Variants in HMCN1 observed in about 807,000 individuals in gnomAD.
HMCN1 encodes the protein hemicentin-1.
A neutral mutation model predicts 625.9 loss-of-function variants in HMCN1; 321 were observed. That is an observed-to-expected ratio of 0.51 (90% confidence interval 0.47 to 0.56). The LOEUF is 0.56. HMCN1 is among the 20% of genes least tolerant of loss of function. The pLI, the probability that HMCN1 is intolerant of heterozygous loss-of-function variation, is 0.00. For missense variants in HMCN1, 6,588 were observed against 6,887.3 expected (o/e 0.96, Z 1.54); for synonymous variants, 2,425 against 2,417.6 (o/e 1.00, Z -0.09).
chr1:186,025,774 T>C (rs1314715045), intron 36 of HMCN1, among the ~76,000 whole-genome samples: 1 of 152,206 alleles, frequency 6.6e-6, no homozygotes, highest in Non-Finnish European at 1.5e-5. Context: ...TATGGGTTAA[T>C]GTGAAATGAA....
chr1:186,105,301 G>C (rs1402664390), intron 69 of HMCN1, among the ~76,000 whole-genome samples: 2 of 151,938 alleles, frequency 1.3e-5, no homozygotes, highest in Non-Finnish European at 2.9e-5. Context: ...ACTGATTTTG[G>C]TTACTCTGCT....
intron 1 of HMCN1, among the ~76,000 whole-genome samples, chr1:185,748,219 T>C (rs574987036): frequency 6.6e-6 from 1 of 152,224 alleles, no homozygotes; most frequent in African/African-American, 2.4e-5. Context: ...AGCCTTTTAC[T>C]AGAGCACACA....
At position 186,001,672 on chromosome 1, in the gene HMCN1, G is replaced by C; in HGVS notation, c.4279G>C (p.Gly1427Arg). 1 of 1,612,690 alleles carries C rather than the reference G, an allele frequency of 6.2e-7. No individual in the cohort carries two copies. The highest frequency in any genetic ancestry group is 8.5e-7 in the Non-Finnish European group (1 of 1,178,950). ...CTTCAGAGCCACTCCAGAGGATGCAGGAAGATATTCCTGCAAAGCAATTAA... is the reference window on the plus strand; with the variant it reads ...CTTCAGAGCCACTCCAGAGGATGCACGAAGATATTCCTGCAAAGCAATTAA... ...KLFRATPEDA[G>R]RYSCKAINIA... Residue 1427 changes from glycine to arginine, a missense_variant, in exon 28 of 107, where the codon GGA becomes CGA. Gly to Arg is a moderately radical substitution (Grantham distance 125). This residue lies in a region of HMCN1 where 4,628 missense variants were observed against 4,853.1 expected (regional missense o/e 0.95). Transcript: ENST00000271588.
rs1558187178 is a variant in HMCN1 at position 186,062,505 on chromosome 1, G to T, written c.7427-9G>T. The T allele has an allele frequency of 5.7e-6, 9 of 1,565,646 alleles. No homozygotes were observed. Among genetic ancestry groups the T allele is most frequent in the East Asian group, 2.2e-5 (1 of 44,488 alleles). On this transcript the variant is annotated splice_polypyrimidine_tract_variant and intron_variant, in intron 47 of 106. Coordinates refer to ENST00000271588, the MANE Select transcript of HMCN1 (RefSeq NM_031935.3). ...GAGCTGTTATTTTGTTGTTGTTGTT[G>T]TTTTTTAGTACCACCTCATATTGTG...
At chr1:185,736,358 T>G (rs1653576199) in intron 1 of HMCN1, among the ~76,000 whole-genome samples, 1 of 152,158 alleles carries the variant, frequency 6.6e-6, no homozygotes, top group South Asian at 2.1e-4. Flanking sequence ...GAATAAAGAA[T>G]TGAATGATTA....
At chr1:186,175,474 G>A (rs1303752901) in intron 103 of HMCN1, among the ~76,000 whole-genome samples, 1 of 152,112 alleles carries the variant, frequency 6.6e-6, no homozygotes, top group East Asian at 1.9e-4. Flanking sequence ...TGTACCAAAT[G>A]TTCAAACTAA....
At chr1:185,894,170 A>G (rs1342173886) in intron 4 of HMCN1, among the ~76,000 whole-genome samples, 1 of 150,072 alleles carries the variant, frequency 6.7e-6, no homozygotes, top group Admixed American at 6.6e-5. Context: ...AAAACAAAAC[A>G]AAAAAACAGA....
chr1:185,734,514 G>C lies in HMCN1; in HGVS notation c.-266G>C. On this transcript the variant is annotated 5_prime_UTR_variant, in exon 1 of 107. Coordinates refer to ENST00000271588, the MANE Select transcript of HMCN1 (RefSeq NM_031935.3). ...ACGCGCCGCCCGCACTCCGCCACAG[G>C]CTGTCCAGGGCCCGCGGGCAGATAG... The C allele has an allele frequency of 2.2e-6, 1 of 454,508 alleles. No homozygotes were observed. Among genetic ancestry groups the C allele is most frequent in the Non-Finnish European group, 4.0e-6 (1 of 252,114 alleles). 28.2% of individuals were successfully genotyped at this position (454,508 alleles called of 1,614,324 possible).
chr1:185,947,975 A>G (rs1292728115), intron 11 of HMCN1, among the ~76,000 whole-genome samples: 1 of 152,240 alleles, frequency 6.6e-6, no homozygotes, highest in Non-Finnish European at 1.5e-5. Context: ...TTTGAAAACA[A>G]TGTCAATGTT....
chr1:185,854,439 G>C (rs868664549), intron 2 of HMCN1, among the ~76,000 whole-genome samples: 3 of 152,254 alleles, frequency 2.0e-5, no homozygotes, highest in African/African-American at 7.2e-5. Flanking sequence ...TTAAAGATTT[G>C]ATAGCACTGG....
intron 92 of HMCN1, 55 bp from the exon 93 acceptor site, chr1:186,145,698 T>A (rs1571416208): frequency 1.2e-6 from 2 of 1,610,030 alleles, no homozygotes; most frequent in Non-Finnish European, 8.5e-7. Flanking sequence ...AAGTATAGAT[T>A]ATGAAGATTT....
In HMCN1 at chr1:185,757,337, C is replaced by T. The variant is rs568330381; in HGVS notation, c.268+22290C>T. On this transcript the variant is annotated intron_variant, in intron 1 of 106. Transcript: ENST00000271588. ...GAGGGCCTGTGTGATCTGGCCCGAT[C>T]GCCTCTCTCTGCCCTCTCCTTCTAT... 1.2e-4 allele frequency among the ~76,000 whole-genome samples: 18 copies of T among 152,258 alleles called. No homozygotes were observed. The South Asian group carries it at 2.9e-3, about 25-fold the overall frequency.
intron 15 of HMCN1, among the ~76,000 whole-genome samples, chr1:185,971,577 A>C (rs1156391763): frequency 6.6e-6 from 1 of 152,204 alleles, no homozygotes; most frequent in Non-Finnish European, 1.5e-5. Flanking sequence ...TATTCATGCC[A>C]GACTGTTTTT....
At chr1:185,764,026 G>C (rs570974339) in intron 1 of HMCN1, among the ~76,000 whole-genome samples, 1 of 152,246 alleles carries the variant, frequency 6.6e-6, no homozygotes, top group East Asian at 1.9e-4. Context: ...TAAAGATATA[G>C]GTCCTCATTC....
At chr1:185,741,409 T>C (rs1311193721) in intron 1 of HMCN1, among the ~76,000 whole-genome samples, 1 of 152,122 alleles carries the variant, frequency 6.6e-6, no homozygotes, top group Non-Finnish European at 1.5e-5. Context: ...GATACTCAAG[T>C]AGAGATAAGA....
chr1:186,103,577 T>G lies in HMCN1; in HGVS notation c.10679T>G (p.Met3560Arg), dbSNP rs1410323598. ...CIASGIPAPK[M>R]TWMKDGRPLP... ...GCTTCTGGAATCCCAGCCCCTAAAA[T>G]GACCTGGATGAAAGATGGCCGGCCC... Residue 3560 changes from methionine (M) to arginine (R), a missense_variant, in exon 69 of 107, where the codon ATG (methionine) becomes AGG (arginine). Met to Arg is a moderately conservative substitution (Grantham distance 91). Transcript: ENST00000271588. 6.2e-7 allele frequency: 1 copy of G among 1,613,882 alleles called. No homozygotes were observed. The highest frequency in any genetic ancestry group is 1.1e-5 in the South Asian group (1 of 91,078).
Position 186,095,236 on chromosome 1 carries a change from T to C in HMCN1, c.10295-7T>C, listed in dbSNP as rs376546293. 6.2e-7 allele frequency: 1 copy of C among 1,613,648 alleles called. No homozygotes were observed. The highest frequency in any genetic ancestry group is 1.3e-5 in the African/African-American group (1 of 75,020). On this transcript the variant is annotated splice_polypyrimidine_tract_variant and splice_region_variant and intron_variant, in intron 67 of 106. Transcript: ENST00000271588. ...TCCAAATTTTGCCCATGTTGTTTTC[T>C]ATGTAGCACCACCAAATATGGACAA... is the stretch of plus-strand genomic sequence containing the variant.
intron 4 of HMCN1, among the ~76,000 whole-genome samples, chr1:185,905,771 C>T (rs1406863013): frequency 2.0e-5 from 3 of 151,668 alleles, no homozygotes; most frequent in Non-Finnish European, 4.4e-5. Context: ...TGAGACTATA[C>T]AAGGGAATTA....
At chr1:186,124,020 C>T (rs527437829) in intron 81 of HMCN1, among the ~76,000 whole-genome samples, 1 of 152,098 alleles carries the variant, frequency 6.6e-6, no homozygotes, top group South Asian at 2.1e-4. Context: ...ATGAGTTTTC[C>T]AAATAACTCC....
Sources: allele counts gnomAD v4.1 joint callset (sites outside exome capture counted in the v4.1 genomes callset), GRCh38; gene constraint gnomAD v4.1.1; regional missense constraint gnomAD v4.1.1; transcripts MANE v1.5; gene names NCBI Gene and HGNC (gene_info 2026-07-23, HGNC 2026-07-21).